ARHGAP31: variants seen among roughly 807,000 people sequenced by gnomAD.
ARHGAP31 encodes the protein Rho GTPase activating protein 31.
ARHGAP31 carries 34 observed loss-of-function variants against 113.9 expected under a neutral mutation model. The ratio of observed to expected loss-of-function variants is 0.30; its 90% confidence interval spans 0.23 to 0.40. The LOEUF (loss-of-function observed/expected upper bound fraction) is 0.40. ARHGAP31 is among the 10% of genes least tolerant of loss of function. ARHGAP31 has a pLI of 1.00. For synonymous variants in ARHGAP31, 650 were observed against 684.8 expected (o/e 0.95, Z 0.79); for missense variants, 1,548 against 1,767.1 (o/e 0.88, Z 2.22).
At chr3:119,360,616 G>T (rs2080197587) in intron 1 of ARHGAP31, among the ~76,000 whole-genome samples, 1 of 152,162 alleles carries the variant, frequency 6.6e-6, no homozygotes, top group African/African-American at 2.4e-5. Flanking sequence ...AGGAAAACAT[G>T]CCATGTTATT....
intron 1 of ARHGAP31, among the ~76,000 whole-genome samples, chr3:119,308,130 G>A (rs1450315178): frequency 6.6e-6 from 1 of 152,028 alleles, no homozygotes. Context: ...GAAGAGTGAA[G>A]GATTGTAAAA....
At chr3:119,296,275 G>C (rs1299609817) in intron 1 of ARHGAP31, among the ~76,000 whole-genome samples, 1 of 152,216 alleles carries the variant, frequency 6.6e-6, no homozygotes. Flanking sequence ...TAGGATTTTA[G>C]AGCTTGGAGA....
chr3:119,310,295 CACA>C (rs2079668066), intron 1 of ARHGAP31, among the ~76,000 whole-genome samples: 1 of 152,178 alleles, frequency 6.6e-6, no homozygotes, highest in Non-Finnish European at 1.5e-5. Flanking sequence ...CCAGAGATGA[CACA>C]ACAACATTCT....
intron 1 of ARHGAP31, among the ~76,000 whole-genome samples, chr3:119,332,635 T>TCTCTCA (rs1403595583): frequency 2.4e-3 from 204 of 85,712 alleles, no homozygotes; most frequent in Non-Finnish European, 3.6e-3. Flanking sequence ...TCTCTCTCTC[T>TCTCTCA]CACACACACA....
At chr3:119,374,926 GA>G (rs1265424872) in intron 3 of ARHGAP31, among the ~76,000 whole-genome samples, 2 of 151,664 alleles carry the variant, frequency 1.3e-5, no homozygotes, top group Non-Finnish European at 2.9e-5. Context: ...GTTAAATGGG[GA>G]AAAAAGCAGT....
chr3:119,340,519 C>T (rs1388142042), intron 1 of ARHGAP31, among the ~76,000 whole-genome samples: 1 of 152,162 alleles, frequency 6.6e-6, no homozygotes, highest in Admixed American at 6.5e-5. Flanking sequence ...AATTAGCACC[C>T]TTTGACCTTA....
At position 119,391,597 on chromosome 3, in the gene ARHGAP31, C is replaced by T. The variant is rs867481412; in HGVS notation, c.881+614C>T. On this transcript the variant is annotated intron_variant, in intron 7 of 11. Transcript: ENST00000264245. ...TTGCCACCTGGGTCTCTACCCCCCC[C>T]TCCCCCCCGCCGTCACTCATATCCC... Among the ~76,000 whole-genome samples the T allele has an allele frequency of 2.6e-3, 250 of 94,888 alleles. 2 individuals are homozygous for T. Among genetic ancestry groups the T allele is most frequent in the African/African-American group, 1.0e-2 (184 of 18,486 alleles). 62.3% of individuals were successfully genotyped at this position (94,888 alleles called of 152,430 possible).
At chr3:119,384,499 G>C (rs1226616542) in intron 6 of ARHGAP31, among the ~76,000 whole-genome samples, 1 of 152,184 alleles carries the variant, frequency 6.6e-6, no homozygotes, top group East Asian at 1.9e-4. Context: ...GGGAAGTCCA[G>C]AATCAAGGGG....
chr3:119,332,643 A>T (rs989659350), intron 1 of ARHGAP31, among the ~76,000 whole-genome samples: 1,457 of 100,056 alleles, frequency 0.015, 23 homozygotes, highest in African/African-American at 0.072. Flanking sequence ...TCTCACACAC[A>T]CACACACACA....
chr3:119,349,212 A>G (rs947581519), intron 1 of ARHGAP31, among the ~76,000 whole-genome samples: 5 of 152,230 alleles, frequency 3.3e-5, no homozygotes, highest in African/African-American at 4.8e-5. Context: ...GAAGAGGCCA[A>G]TGTGAGTCTC....
chr3:119,375,238 T>C (rs1254739800), intron 3 of ARHGAP31, among the ~76,000 whole-genome samples: 1 of 152,180 alleles, frequency 6.6e-6, no homozygotes, highest in Non-Finnish European at 1.5e-5. Context: ...TGAAATCGGC[T>C]TCACTGGGCT....
At chr3:119,338,671 A>C (rs2079980118) in intron 1 of ARHGAP31, among the ~76,000 whole-genome samples, 1 of 152,206 alleles carries the variant, frequency 6.6e-6, no homozygotes, top group African/African-American at 2.4e-5. Context: ...TAAAAAATAG[A>C]ATTTTATTCA....
chr3:119,327,312 G>A (rs2079854498), intron 1 of ARHGAP31, among the ~76,000 whole-genome samples: 1 of 152,098 alleles, frequency 6.6e-6, no homozygotes, highest in Non-Finnish European at 1.5e-5. Flanking sequence ...GGAGGTTGAG[G>A]TGGGCGGATC....
chr3:119,407,704 G>A (rs2080676286), intron 10 of ARHGAP31, among the ~76,000 whole-genome samples: 1 of 152,218 alleles, frequency 6.6e-6, no homozygotes, highest in South Asian at 2.1e-4. Context: ...TGAAAGAGGT[G>A]TTGTTAGGTT....
At chr3:119,362,000 A>T (rs2080210919) in intron 1 of ARHGAP31, among the ~76,000 whole-genome samples, 1 of 152,260 alleles carries the variant, frequency 6.6e-6, no homozygotes, top group African/African-American at 2.4e-5. Flanking sequence ...TACCAAAGCC[A>T]GAATAAATTT....
intron 9 of ARHGAP31, among the ~76,000 whole-genome samples, chr3:119,401,092 A>G (rs2080600872): frequency 6.7e-6 from 1 of 149,830 alleles, no homozygotes; most frequent in African/African-American, 2.5e-5. Context: ...AATCACTTCA[A>G]CCCGGGAGGT....
chr3:119,316,160 C>T lies in ARHGAP31; in HGVS notation c.100+21156C>T, dbSNP rs577428946. Among the ~76,000 whole-genome samples, 10 of 152,316 alleles carry T rather than the reference C, an allele frequency of 6.6e-5. No homozygotes were observed. In the East Asian group the frequency reaches 1.7e-3, roughly 26 times the overall value. Reference sequence around the variant, plus strand: ...TCATGTGACCTTGCAGCATTCTCTTCATCTTTCTGAGCCTCAGCTTCCTCA... The same window carrying T: ...TCATGTGACCTTGCAGCATTCTCTTTATCTTTCTGAGCCTCAGCTTCCTCA... On this transcript the variant is annotated intron_variant, in intron 1 of 11. Transcript: ENST00000264245.
chr3:119,357,828 A>G (rs1248485216), intron 1 of ARHGAP31, among the ~76,000 whole-genome samples: 2 of 152,194 alleles, frequency 1.3e-5, no homozygotes, highest in Non-Finnish European at 2.9e-5. Context: ...GCTGCTTTGG[A>G]TTTATATGTT....
intron 1 of ARHGAP31, among the ~76,000 whole-genome samples, chr3:119,303,958 C>G (rs1250058319): frequency 6.6e-6 from 1 of 152,014 alleles, no homozygotes; most frequent in African/African-American, 2.4e-5. Flanking sequence ...CCATGCCTGG[C>G]TAATTTTTCA....
Sources: allele counts gnomAD v4.1 joint callset (sites outside exome capture counted in the v4.1 genomes callset), GRCh38; gene constraint gnomAD v4.1.1; transcripts MANE v1.5; gene names NCBI Gene and HGNC (gene_info 2026-07-23, HGNC 2026-07-21).